LEKR1: variants seen among roughly 807,000 people sequenced by gnomAD.
The protein encoded by LEKR1 is leucine, glutamate and lysine rich 1.
In LEKR1, 59 loss-of-function variants were observed where a neutral mutation model predicts 72.4. The ratio of observed to expected loss-of-function variants is 0.82; its 90% CI spans 0.66 to 1.01. The LOEUF (loss-of-function observed/expected upper bound fraction) is 1.01, where lower values mean the gene tolerates loss of function less well. LEKR1 is among the 50% of genes least tolerant of loss of function. The probability of loss-of-function intolerance (pLI) is 0.00; values close to 1 mark genes in which losing one functional copy is unlikely to be tolerated. For synonymous variants in LEKR1, 257 were observed against 263.2 expected (o/e 0.98, Z 0.23); for missense variants, 728 against 759.2 (o/e 0.96, Z 0.48).
Position 156,993,130 on chromosome 3 carries a change from A to AT in LEKR1, c.963dup (p.Lys322Ter). On this transcript the variant is annotated frameshift_variant, in exon 9 of 13. Transcript: ENST00000356539. LOFTEE classifies it high-confidence loss of function. ...TCTTTAATGACTTGTCAACAGATAT[A>AT]TAAAGCATTACAGGAAGAGCTGACT... The AT allele has an allele frequency of 6.2e-7, 1 of 1,612,530 alleles. No homozygotes were observed. Among genetic ancestry groups the AT allele is most frequent in the Non-Finnish European group, 8.5e-7 (1 of 1,179,180 alleles).
chr3:156,852,857 A>G lies in LEKR1; in HGVS notation c.138A>G (p.Ala46=). ...AGGCTATGGAAGAAAAAGTGAAAGC[A>G]ATGGAAAAAGAGATGAAATTTTATC... The part of the protein sequence containing the change: ...EFKAMEEKVK[A]MEKEMKFYQG... Residue 46 remains alanine (A), a synonymous_variant, in exon 3 of 13, where the codon GCA becomes GCG. Transcript: ENST00000356539. 6.5e-7 allele frequency: 1 copy of G among 1,534,964 alleles called. No homozygotes were observed. The highest frequency in any genetic ancestry group is 8.7e-7 in the Non-Finnish European group (1 of 1,145,170).
chr3:156,946,910 G>A (rs1379580368), intron 6 of LEKR1, among the ~76,000 whole-genome samples: 1 of 151,156 alleles, frequency 6.6e-6, no homozygotes, highest in Non-Finnish European at 1.5e-5. Flanking sequence ...AGCCTCTAAT[G>A]ATAAACAATA....
intron 3 of LEKR1, among the ~76,000 whole-genome samples, chr3:156,876,023 A>T (rs994881306): frequency 2.1e-5 from 3 of 142,776 alleles, no homozygotes; most frequent in East Asian, 4.2e-4. Context: ...AAAAGAAATG[A>T]GGATCCAGTT....
intron 3 of LEKR1, among the ~76,000 whole-genome samples, chr3:156,872,788 C>A (rs186083082): frequency 1.1e-4 from 16 of 151,882 alleles, no homozygotes; most frequent in Middle Eastern, 3.4e-3. Flanking sequence ...AGTTTTATTA[C>A]ATTGTGGTTT....
chr3:156,855,261 T>C (rs1330045005), intron 3 of LEKR1, among the ~76,000 whole-genome samples: 3 of 152,206 alleles, frequency 2.0e-5, no homozygotes, highest in African/African-American at 7.2e-5. Flanking sequence ...TAACTTACAT[T>C]TGGCCAATAG....
At chr3:156,978,101 C>G (rs762377052) in intron 6 of LEKR1, among the ~76,000 whole-genome samples, 6 of 151,974 alleles carry the variant, frequency 3.9e-5, no homozygotes, top group Non-Finnish European at 7.4e-5. Context: ...GTAATAAGAA[C>G]AAGAAAACAT....
At chr3:156,892,023 G>A (rs1382799075) in intron 3 of LEKR1, among the ~76,000 whole-genome samples, 2 of 151,948 alleles carry the variant, frequency 1.3e-5, no homozygotes, top group African/African-American at 4.8e-5. Context: ...TACTATTAAA[G>A]GTAGCCCCCC....
At chr3:156,903,568 A>G (rs1199939969) in intron 3 of LEKR1, among the ~76,000 whole-genome samples, 1 of 152,162 alleles carries the variant, frequency 6.6e-6, no homozygotes, top group African/African-American at 2.4e-5. Flanking sequence ...AATGGATGAT[A>G]GGTTTCAAGG....
intron 12 of LEKR1, among the ~76,000 whole-genome samples, chr3:157,036,464 A>ATTCT (rs1371299159): frequency 3.3e-5 from 5 of 152,152 alleles, no homozygotes; most frequent in African/African-American, 1.2e-4. Context: ...CCAGCCTAGA[A>ATTCT]TTCTATATCC....
intron 6 of LEKR1, among the ~76,000 whole-genome samples, chr3:156,970,478 C>A (rs1445186720): frequency 6.6e-6 from 1 of 152,024 alleles, no homozygotes; most frequent in Admixed American, 6.6e-5. Flanking sequence ...ACGTTTAAGT[C>A]TTTAATCCAT....
intron 2 of LEKR1, among the ~76,000 whole-genome samples, chr3:156,831,161 G>T (rs1712340859): frequency 6.6e-6 from 1 of 152,080 alleles, no homozygotes; most frequent in Non-Finnish European, 1.5e-5. Context: ...AGTCATAGGG[G>T]TGTAGAAAAT....
Position 156,993,263 on chromosome 3 carries a change from A to T in LEKR1, c.1095A>T (p.Thr365=). The T allele has an allele frequency of 6.3e-7, 1 of 1,591,764 alleles. No individual in the cohort carries two copies. Among genetic ancestry groups the T allele is most frequent in the Non-Finnish European group, 8.5e-7 (1 of 1,172,680 alleles). The part of the protein sequence containing the change: ...LLNQTREEVL[T]LKNERELMLI... ...ATCAGACAAGGGAAGAGGTTTTAAC[A>T]CTGAAAAATGAAAGGTGCAGTAAAC... The change falls in exon 9 of 13, where the codon ACA becomes ACT. Residue 365 remains threonine, a synonymous_variant. Coordinates refer to ENST00000356539, the MANE Select transcript of LEKR1 (RefSeq NM_001004316.3).
rs542164560 is a variant in LEKR1 at position 157,026,885 on chromosome 3, A to G, written c.1369-1218A>G. 4.6e-5 allele frequency among the ~76,000 whole-genome samples: 7 copies of G among 152,316 alleles called. No individual in the cohort carries two copies. The East Asian group carries it at 1.3e-3, about 29-fold the overall frequency. The stretch of plus-strand genomic sequence containing the variant: ...ACAAGAGGACTTTTCCCTTCTAAAG[A>G]CTTTCATGCCATCAGGAAAAGCTTC... On this transcript the variant is annotated intron_variant, in intron 11 of 12. Coordinates refer to ENST00000356539, the MANE Select transcript of LEKR1 (RefSeq NM_001004316.3).
At chr3:156,909,520 A>G (rs772695988) in intron 3 of LEKR1, among the ~76,000 whole-genome samples, 7 of 152,072 alleles carry the variant, frequency 4.6e-5, no homozygotes, top group Non-Finnish European at 7.4e-5. Flanking sequence ...GTGTGGTGGC[A>G]TGCGCCTGTA....
rs188969585 is a variant in LEKR1 at position 157,041,363 on chromosome 3, C to T, written c.1669-3977C>T. Among the ~76,000 whole-genome samples the T allele has an allele frequency of 2.0e-5, 3 of 152,170 alleles. No individual in the cohort carries two copies. The East Asian group carries it at 5.8e-4, about 29-fold the overall frequency. ...TTCAGGCTGTTTTCCACAAAGCTGGCAAAGGGATCTTCCTTTCATGCAGAT... is the reference window on the plus strand; with the variant it reads ...TTCAGGCTGTTTTCCACAAAGCTGGTAAAGGGATCTTCCTTTCATGCAGAT... On this transcript the variant is annotated intron_variant, in intron 12 of 12. Coordinates refer to ENST00000356539, the MANE Select transcript of LEKR1 (RefSeq NM_001004316.3).
chr3:156,967,820 T>C (rs1728770589), intron 6 of LEKR1, among the ~76,000 whole-genome samples: 1 of 152,104 alleles, frequency 6.6e-6, no homozygotes, highest in African/African-American at 2.4e-5. Context: ...AGACACATAA[T>C]TGTCAGATTC....
chr3:156,944,299 A>G (rs1346168771), intron 6 of LEKR1, among the ~76,000 whole-genome samples: 2 of 151,790 alleles, frequency 1.3e-5, no homozygotes, highest in Admixed American at 6.6e-5. Flanking sequence ...GTAGGGGTAT[A>G]TATTTATAGG....
chr3:156,925,683 A>G (rs1724650562), intron 4 of LEKR1, among the ~76,000 whole-genome samples: 1 of 152,004 alleles, frequency 6.6e-6, no homozygotes. Context: ...AGCGAGATGA[A>G]TGGGTTGTAA....
chr3:156,934,261 A>G (rs1490701296), intron 5 of LEKR1, among the ~76,000 whole-genome samples: 2 of 152,186 alleles, frequency 1.3e-5, no homozygotes, highest in Non-Finnish European at 2.9e-5. Flanking sequence ...GTGCTGTATT[A>G]CTAGTGTTTT....
Sources: allele counts gnomAD v4.1 joint callset (sites outside exome capture counted in the v4.1 genomes callset), GRCh38; gene constraint gnomAD v4.1.1; transcripts MANE v1.5; gene names NCBI Gene and HGNC (gene_info 2026-07-23, HGNC 2026-07-21).